The following TRDN variants were observed in gnomAD, a reference collection of about 807,000 sequenced individuals.
The protein encoded by TRDN is triadin in skeletal muscle.
In TRDN, 161 loss-of-function variants were observed where a neutral mutation model predicts 149.7. That is an observed-to-expected ratio of 1.08 (90% CI 0.95 to 1.23). The LOEUF (loss-of-function observed/expected upper bound fraction) is 1.23. Ranked by LOEUF, TRDN falls within the 50% of genes most tolerant of loss-of-function variation. The pLI is 0.00. For missense variants in TRDN, 896 were observed against 823.5 expected, an observed-to-expected ratio of 1.09 and a Z score of -1.08; for synonymous variants, 294 against 250.5, an observed-to-expected ratio of 1.17 and a Z score of -1.64.
At chr6:123,375,899 C>T (rs914846624) in intron 18 of TRDN, among the ~76,000 whole-genome samples, 1 of 151,980 alleles carries the variant, frequency 6.6e-6, no homozygotes, top group African/African-American at 2.4e-5. Flanking sequence ...AATCATCTTG[C>T]TCTCCATTTT....
In TRDN at chr6:123,293,658, T is replaced by C. The variant is rs139028148; in HGVS notation, c.1511-14576A>G. 7.7e-3 allele frequency among the ~76,000 whole-genome samples: 1,177 copies of C among 152,248 alleles called. 15 individuals are homozygous for C. The highest frequency in any genetic ancestry group is 0.027 in the African/African-American group (1,128 of 41,536). On this transcript the variant is annotated intron_variant, in intron 24 of 40. Transcript: ENST00000334268. ...ATAGACACAACTTGGAAGCAAAGGA[T>C]AAACATCACACCCTGTAGGGCTTCT... is the stretch of plus-strand genomic sequence containing the variant.
chr6:123,349,428 A>G (rs1323130640), intron 21 of TRDN: 25 of 729,812 alleles, frequency 3.4e-5, no homozygotes, highest in Non-Finnish European at 4.2e-5. Context: ...AATATTAAAC[A>G]ACCAAAGCAC....
At chr6:123,534,070 A>G (rs1562370279) in intron 4 of TRDN, among the ~76,000 whole-genome samples, 1 of 152,102 alleles carries the variant, frequency 6.6e-6, no homozygotes, top group Non-Finnish European at 1.5e-5. Flanking sequence ...CTGTGGGCAG[A>G]TGCAGGCAGT....
intron 12 of TRDN, among the ~76,000 whole-genome samples, chr6:123,435,542 A>AACAC (rs57976353): frequency 3.3e-4 from 49 of 150,076 alleles, no homozygotes; most frequent in African/African-American, 1.0e-3. Context: ...CACAAACACA[A>AACAC]ACACACACAC....
At chr6:123,582,318 G>A (rs1783162429) in intron 1 of TRDN, among the ~76,000 whole-genome samples, 1 of 152,090 alleles carries the variant, frequency 6.6e-6, no homozygotes, top group African/African-American at 2.4e-5. Context: ...TCTGGGTTAA[G>A]ATAAGGAGTT....
intron 23 of TRDN, among the ~76,000 whole-genome samples, chr6:123,327,496 T>C (rs1779502475): frequency 6.6e-6 from 1 of 152,092 alleles, no homozygotes; most frequent in Admixed American, 6.6e-5. Context: ...TATTCAAGCC[T>C]TTAAAAATGG....
chr6:123,556,658 CTCT>C (rs555252957), intron 2 of TRDN, among the ~76,000 whole-genome samples: 2 of 149,892 alleles, frequency 1.3e-5, no homozygotes, highest in Admixed American at 6.7e-5. Flanking sequence ...CTTCCTCTTC[CTCT>C]TCTTCTTCTT....
intron 10 of TRDN, among the ~76,000 whole-genome samples, chr6:123,451,224 G>A (rs1214444378): frequency 6.6e-6 from 1 of 151,724 alleles, no homozygotes; most frequent in Non-Finnish European, 1.5e-5. Flanking sequence ...CCCAAACCCA[G>A]CAGAAGAAAG....
At position 123,368,942 on chromosome 6, in the gene TRDN, T is replaced by C. The variant is rs548867482; in HGVS notation, c.1274-2760A>G. On this transcript the variant is annotated intron_variant, in intron 19 of 40. Transcript: ENST00000334268. ...ATCACTCACGTATTTTCTGTTGTTA[T>C]AGTCATCTGCTGTATTAATTTCCTA... 2.6e-5 allele frequency among the ~76,000 whole-genome samples: 4 copies of C among 152,324 alleles called. No homozygotes were observed. In the South Asian group the frequency reaches 6.2e-4, roughly 24 times the overall value.
chr6:123,567,995 A>G (rs1782377298), intron 2 of TRDN, among the ~76,000 whole-genome samples: 2 of 152,160 alleles, frequency 1.3e-5, no homozygotes, highest in African/African-American at 4.8e-5. Context: ...CCTTCCACCT[A>G]TGAGCCTGTA....
At chr6:123,586,613 G>A (rs902119112) in intron 1 of TRDN, among the ~76,000 whole-genome samples, 10 of 152,264 alleles carry the variant, frequency 6.6e-5, no homozygotes, top group Middle Eastern at 3.4e-3. Context: ...TGGAACTACT[G>A]TCGAGTTTGT....
chr6:123,618,627 A>C (rs983726479), intron 1 of TRDN, among the ~76,000 whole-genome samples: 3 of 152,196 alleles, frequency 2.0e-5, no homozygotes, highest in Non-Finnish European at 4.4e-5. Flanking sequence ...ACTACTCTTC[A>C]TCAGTAGACA....
At chr6:123,299,716 A>G (rs1424727552) in intron 24 of TRDN, among the ~76,000 whole-genome samples, 1 of 152,018 alleles carries the variant, frequency 6.6e-6, no homozygotes, top group Non-Finnish European at 1.5e-5. Context: ...TATTATATTA[A>G]TCCACTAAAT....
At chr6:123,296,193 G>A (rs1460446056) in intron 24 of TRDN, among the ~76,000 whole-genome samples, 1 of 152,016 alleles carries the variant, frequency 6.6e-6, no homozygotes, top group Non-Finnish European at 1.5e-5. Flanking sequence ...TTAACTTTAA[G>A]GGCGTATTAA....
chr6:123,527,225 C>G (rs12524001), intron 5 of TRDN, among the ~76,000 whole-genome samples: 1 of 151,934 alleles, frequency 6.6e-6, no homozygotes, highest in Non-Finnish European at 1.5e-5. Flanking sequence ...GTATTTACCA[C>G]GGGTAAAGGA....
chr6:123,563,873 G>C (rs1483791527), intron 2 of TRDN, among the ~76,000 whole-genome samples: 1 of 152,048 alleles, frequency 6.6e-6, no homozygotes, highest in Admixed American at 6.6e-5. Flanking sequence ...AGTGGCGCAA[G>C]CTCAACTCAG....
At chr6:123,342,736 C>A (rs191277104) in intron 21 of TRDN, among the ~76,000 whole-genome samples, 3 of 152,050 alleles carry the variant, frequency 2.0e-5, no homozygotes, top group African/African-American at 7.2e-5. Context: ...CTACACTATA[C>A]CTCTGGGAGC....
intron 2 of TRDN, among the ~76,000 whole-genome samples, chr6:123,555,241 G>A (rs771529158): frequency 3.9e-5 from 6 of 152,038 alleles, no homozygotes; most frequent in Non-Finnish European, 8.8e-5. Context: ...TAGAACTGCC[G>A]TTTTTAATTT....
chr6:123,318,988 G>A lies in TRDN; in HGVS notation c.1472-2493C>T, dbSNP rs142365605. ...TGACCTTAGGACAAGTTCTTTTGGT[G>A]TATGAAGAGTCGGTTTTTGGGTTTT... On this transcript the variant is annotated intron_variant, in intron 23 of 40. Transcript: ENST00000334268. Among the ~76,000 whole-genome samples the A allele has an allele frequency of 6.1e-3, 932 of 152,178 alleles. 9 individuals are homozygous for A. Among genetic ancestry groups the A allele is most frequent in the African/African-American group, 0.022 (903 of 41,540 alleles).
Sources: allele counts gnomAD v4.1 joint callset (sites outside exome capture counted in the v4.1 genomes callset), GRCh38; gene constraint gnomAD v4.1.1; transcripts MANE v1.5; gene names NCBI Gene and HGNC (gene_info 2026-07-23, HGNC 2026-07-21).